Variants in SLC14A2 observed in about 807,000 individuals in gnomAD.
The protein encoded by SLC14A2 is urea transporter 2.
Under a neutral mutation model 104.6 loss-of-function variants are expected in SLC14A2, and 91 were observed. The ratio of observed to expected loss-of-function variants is 0.87; its 90% CI spans 0.73 to 1.04. The LOEUF (loss-of-function observed/expected upper bound fraction) is 1.04, where lower values mean the gene tolerates loss of function less well. Ranked by LOEUF, SLC14A2 falls within the 50% of genes least tolerant of loss-of-function variation. SLC14A2 has a pLI of 0.00. For synonymous variants in SLC14A2, 476 were observed against 466.4 expected, an observed-to-expected ratio of 1.02 and a Z score of -0.27; for missense variants, 1,189 against 1,156.0, an observed-to-expected ratio of 1.03 and a Z score of -0.41.
chr18:45,353,217 A>G (rs1429625388), intron 1 of SLC14A2, among the ~76,000 whole-genome samples: 1 of 152,240 alleles, frequency 6.6e-6, no homozygotes, highest in Non-Finnish European at 1.5e-5. Context: ...TTCTCAGGCC[A>G]TAGTTTGCTT....
At chr18:45,192,855 A>G in the SLC14A2 span, among the ~76,000 whole-genome samples, 13 of 151,964 alleles carry the variant, frequency 8.6e-5, no homozygotes, top group South Asian at 2.3e-3. Flanking sequence ...ACGGGGTTTC[A>G]CTGTGTTAGC....
intron 1 of SLC14A2, among the ~76,000 whole-genome samples, chr18:45,268,012 A>T (rs1301399934): frequency 6.6e-6 from 1 of 152,174 alleles, no homozygotes; most frequent in Non-Finnish European, 1.5e-5. Context: ...TATAGCAAAC[A>T]TAGTTCAATG....
At chr18:45,480,430 C>T (rs2087469939) in intron 1 of SLC14A2, among the ~76,000 whole-genome samples, 1 of 152,130 alleles carries the variant, frequency 6.6e-6, no homozygotes, top group African/African-American at 2.4e-5. Context: ...GTGCCTGTCT[C>T]CACAGAGTGT....
intron 4 of SLC14A2, 31 bp downstream of exon 4, chr18:45,627,178 G>A (rs748666593): frequency 2.5e-6 from 4 of 1,592,934 alleles, no homozygotes; most frequent in Non-Finnish European, 2.6e-6. Flanking sequence ...ATTTTAGCAA[G>A]ATGTGTGGAA....
chr18:45,682,172 G>A (rs1242519445), intron 19 of SLC14A2, 147 bp from the exon 20 acceptor site: 13 of 738,172 alleles, frequency 1.8e-5, no homozygotes, highest in Non-Finnish European at 3.1e-5. Flanking sequence ...GCACTGGCAT[G>A]ATTTTATTTA....
At chr18:45,346,131 A>G (rs1013603720) in intron 1 of SLC14A2, among the ~76,000 whole-genome samples, 3 of 152,126 alleles carry the variant, frequency 2.0e-5, no homozygotes, top group Non-Finnish European at 2.9e-5. Context: ...GACTATTCCA[A>G]TGTTTTGTCT....
At chr18:45,541,681 C>T (rs60977813) in intron 2 of SLC14A2, among the ~76,000 whole-genome samples, 1,660 of 152,340 alleles carry the variant, frequency 0.011, 28 homozygotes, top group African/African-American at 0.038. Context: ...GGACATTAGA[C>T]ATTCAAGCCT....
At chr18:45,209,543 C>A (rs1423264676), upstream of SLC14A2, among the ~76,000 whole-genome samples, 1 of 118,506 alleles carries the variant, frequency 8.4e-6, no homozygotes, top group East Asian at 2.5e-4. Flanking sequence ...TCACCCCTTC[C>A]TTTTTCTTTT....
intron 4 of SLC14A2, among the ~76,000 whole-genome samples, chr18:45,630,854 C>A (rs2045333241): frequency 6.6e-6 from 1 of 152,200 alleles, no homozygotes; most frequent in Non-Finnish European, 1.5e-5. Context: ...ACAGCTTGTC[C>A]TGTGTCCAGT....
intron 2 of SLC14A2, among the ~76,000 whole-genome samples, chr18:45,500,462 A>C (rs368683858): frequency 3.2e-4 from 49 of 151,742 alleles, no homozygotes; most frequent in African/African-American, 1.2e-3. Flanking sequence ...CTGTAGTCCC[A>C]GCTACTCGGG....
At chr18:45,374,723 CT>C (rs1294651632) in intron 1 of SLC14A2, among the ~76,000 whole-genome samples, 1 of 150,882 alleles carries the variant, frequency 6.6e-6, no homozygotes, top group East Asian at 1.9e-4. Context: ...AAATCAGTTA[CT>C]TTGTACTTTG....
chr18:45,381,629 T>G (rs902872026), intron 1 of SLC14A2, among the ~76,000 whole-genome samples: 1 of 152,194 alleles, frequency 6.6e-6, no homozygotes, highest in Non-Finnish European at 1.5e-5. Flanking sequence ...TATAAGCTCC[T>G]CATAGGAATA....
chr18:45,681,646 T>C (rs1351739085), intron 19 of SLC14A2, among the ~76,000 whole-genome samples: 1 of 152,200 alleles, frequency 6.6e-6, no homozygotes, highest in Admixed American at 6.5e-5. Flanking sequence ...TCTTTGCCTC[T>C]CTCCATCTCT....
At chr18:45,443,694 T>C (rs2086718549) in intron 1 of SLC14A2, among the ~76,000 whole-genome samples, 1 of 152,088 alleles carries the variant, frequency 6.6e-6, no homozygotes, top group Admixed American at 6.6e-5. Flanking sequence ...ATGGCTAGCC[T>C]TGGGAAGAAT....
chr18:45,657,042 T>C (rs1210030096), intron 10 of SLC14A2, among the ~76,000 whole-genome samples: 2 of 152,204 alleles, frequency 1.3e-5, no homozygotes, highest in African/African-American at 4.8e-5. Flanking sequence ...GCATCTCTCA[T>C]CCACCTCCCA....
chr18:45,501,576 C>A (rs2043199950), intron 2 of SLC14A2, among the ~76,000 whole-genome samples: 1 of 152,194 alleles, frequency 6.6e-6, no homozygotes, highest in African/African-American at 2.4e-5. Flanking sequence ...AGGTGAAGGA[C>A]ATGTCCCTGG....
At chr18:45,269,621 T>C (rs1480116228) in intron 1 of SLC14A2, among the ~76,000 whole-genome samples, 2 of 152,152 alleles carry the variant, frequency 1.3e-5, no homozygotes, top group Non-Finnish European at 2.9e-5. Flanking sequence ...ACCTCTGCAC[T>C]ACCTTCGAGA....
At chr18:45,678,274 T>C (rs988902308) in intron 18 of SLC14A2, among the ~76,000 whole-genome samples, 1 of 152,188 alleles carries the variant, frequency 6.6e-6, no homozygotes, top group Non-Finnish European at 1.5e-5. Context: ...ACGATAATAG[T>C]GCTTACACTG....
At chr18:45,531,826 G>A (rs2043693805) in intron 2 of SLC14A2, among the ~76,000 whole-genome samples, 1 of 152,048 alleles carries the variant, frequency 6.6e-6, no homozygotes, top group African/African-American at 2.4e-5. Context: ...GGGTTTTTAT[G>A]GTTTTAGGTC....
Sources: allele counts gnomAD v4.1 joint callset (sites outside exome capture counted in the v4.1 genomes callset), GRCh38; gene constraint gnomAD v4.1.1; transcripts MANE v1.5; gene names NCBI Gene and HGNC (gene_info 2026-07-23, HGNC 2026-07-21).